The following ZDHHC3 variants were observed in gnomAD, a reference collection of about 807,000 sequenced individuals.
ZDHHC3 encodes the protein zDHHC palmitoyltransferase 3.
A neutral mutation model predicts 30.6 loss-of-function variants in ZDHHC3; 9 were observed. That is an observed-to-expected ratio of 0.29 (90% confidence interval 0.18 to 0.51). The LOEUF (loss-of-function observed/expected upper bound fraction) is 0.51, where lower values mean the gene tolerates loss of function less well. ZDHHC3 is among the 20% of genes least tolerant of loss of function. ZDHHC3 has a pLI of 0.97. For synonymous variants in ZDHHC3, 136 were observed against 140.2 expected, an observed-to-expected ratio of 0.97 and a Z score of 0.21; for missense variants, 246 against 384.2, an observed-to-expected ratio of 0.64 and a Z score of 3.01.
intron 3 of ZDHHC3, among the ~76,000 whole-genome samples, chr3:44,937,201 C>G (rs987484453): frequency 9.2e-5 from 14 of 152,040 alleles, no homozygotes; most frequent in Non-Finnish European, 1.5e-5. Flanking sequence ...TCCCAGCACT[C>G]TGGGAGGCCG....
intron 1 of ZDHHC3, among the ~76,000 whole-genome samples, chr3:44,971,268 C>G (rs1705378604): frequency 6.6e-6 from 1 of 152,184 alleles, no homozygotes; most frequent in Non-Finnish European, 1.5e-5. Flanking sequence ...GTTCAAGTGC[C>G]AAGTCAATAC....
chr3:44,956,740 C>T (rs1410682219), intron 2 of ZDHHC3, among the ~76,000 whole-genome samples: 1 of 152,150 alleles, frequency 6.6e-6, no homozygotes, highest in Non-Finnish European at 1.5e-5. Flanking sequence ...CCATGTCTTG[C>T]CCGGACCACT....
chr3:44,950,658 G>C (rs1198536132), intron 2 of ZDHHC3, among the ~76,000 whole-genome samples: 4 of 152,206 alleles, frequency 2.6e-5, no homozygotes, highest in African/African-American at 9.7e-5. Context: ...CCAAGACTGA[G>C]GAGTCTGATG....
intron 2 of ZDHHC3, among the ~76,000 whole-genome samples, chr3:44,956,453 A>C (rs1703964714): frequency 6.6e-6 from 1 of 152,146 alleles, no homozygotes; most frequent in African/African-American, 2.4e-5. Flanking sequence ...TATACTCTCC[A>C]ATCTCTCTCC....
chr3:44,973,945 C>T (rs1010191112), intron 1 of ZDHHC3, among the ~76,000 whole-genome samples: 1 of 152,174 alleles, frequency 6.6e-6, no homozygotes, highest in Non-Finnish European at 1.5e-5. Flanking sequence ...TAATACTGTG[C>T]CATCCTTGAC....
At position 44,970,220 on chromosome 3, in the gene ZDHHC3, G is replaced by A. The variant is rs186938150; in HGVS notation, c.-25+5713C>T. Among the ~76,000 whole-genome samples the A allele has an allele frequency of 3.2e-4, 49 of 152,330 alleles. 1 individual carries two copies. The highest frequency in any genetic ancestry group is 1.1e-3 in the African/African-American group (44 of 41,574). ...AGGCACTGTAAGTGGCAGTGCAAGA[G>A]CAGAGCCCTGGGAGGAACCTGGGAC... On this transcript the variant is annotated intron_variant, in intron 1 of 6. Transcript: ENST00000424952.
chr3:44,958,542 C>G, intron 2 of ZDHHC3: 1 of 1,505,980 alleles, frequency 6.6e-7, no homozygotes, highest in Non-Finnish European at 8.9e-7. Context: ...GCATATTTAG[C>G]TAAGTCATTG....
At chr3:44,962,499 GGAAGGAA>G (rs2125916416) in intron 1 of ZDHHC3, among the ~76,000 whole-genome samples, 1 of 98,262 alleles carries the variant, frequency 1.0e-5, no homozygotes, top group Admixed American at 1.0e-4. Flanking sequence ...GGAGAGAGAA[GGAAGGAA>G]GGAAGGAAGG....
rs553204934 is a variant in ZDHHC3 at position 44,974,816 on chromosome 3, T to C, written c.-25+1117A>G. ...TAAGAATGTGAGCAAGCACTTCCTC[T>C]CTATAACCTTATCAGACGACCTCCC... On this transcript the variant is annotated intron_variant, in intron 1 of 6. Coordinates refer to ENST00000424952, the MANE Select transcript of ZDHHC3 (RefSeq NM_001135179.2). Among the ~76,000 whole-genome samples the C allele has an allele frequency of 5.3e-5, 8 of 152,318 alleles. No individual in the cohort carries two copies. In the East Asian group the frequency reaches 1.5e-3, roughly 29 times the overall value.
Position 44,920,287 on chromosome 3 carries a change from A to G in ZDHHC3, c.*6402T>C. 7.8e-7 allele frequency: 1 copy of G among 1,289,852 alleles called. No homozygotes were observed. The highest frequency in any genetic ancestry group is 1.0e-6 in the Non-Finnish European group (1 of 988,888). 79.9% of individuals were successfully genotyped at this position (1,289,852 alleles called of 1,614,324 possible). A position where few individuals can be genotyped will look rare whatever the true frequency, so the allele number is the denominator to read the frequency against. On this transcript the variant is annotated 3_prime_UTR_variant, in exon 7 of 7. Transcript: ENST00000424952. ...GGCACAGAAGCAGTGACCAGCTGAGATGGTTTGCTTTGGGCATTCTGCATT... is the reference window on the plus strand; with the variant it reads ...GGCACAGAAGCAGTGACCAGCTGAGGTGGTTTGCTTTGGGCATTCTGCATT...
Position 44,922,452 on chromosome 3 carries a change from C to T in ZDHHC3, c.*4237G>A. 1.0e-6 allele frequency: 1 copy of T among 985,466 alleles called. No individual in the cohort carries two copies. The highest frequency in any genetic ancestry group is 1.2e-6 in the Non-Finnish European group (1 of 829,948). 61.0% of individuals were successfully genotyped at this position (985,466 alleles called of 1,614,324 possible). A position where few individuals can be genotyped will look rare whatever the true frequency, so the allele number is the denominator to read the frequency against. On this transcript the variant is annotated 3_prime_UTR_variant, in exon 7 of 7. Transcript: ENST00000424952. The stretch of plus-strand genomic sequence containing the variant: ...GCAGGCTAATAATTTGGATCTGCTT[C>T]ATACAGACTTTCTTTGATGTCTTGG...
Position 44,922,338 on chromosome 3 carries a change from T to C in ZDHHC3, c.*4351A>G, listed in dbSNP as rs1700651426. ...TCTGGAGGTCCCTTGGTTCTACTCT[T>C]TTCTCTTTCCCTTCCGGGCTGCTTC... On this transcript the variant is annotated 3_prime_UTR_variant, in exon 7 of 7. Coordinates refer to ENST00000424952, the MANE Select transcript of ZDHHC3 (RefSeq NM_001135179.2). 1.0e-6 allele frequency: 1 copy of C among 985,412 alleles called. No homozygotes were observed. Among genetic ancestry groups the C allele is most frequent in the Admixed American group, 6.1e-5 (1 of 16,288 alleles). The allele number at this position is 985,412 out of a possible 1,614,324, so 61.0% of individuals were successfully genotyped here.
Position 44,922,651 on chromosome 3 carries a change from C to G in ZDHHC3, c.*4038G>C. ...GCATCAGGGACCACCTGAGGGGGGA[C>G]TCCTGCTAGCCCCAACTGGATTCTC... On this transcript the variant is annotated 3_prime_UTR_variant, in exon 7 of 7. Coordinates refer to ENST00000424952, the MANE Select transcript of ZDHHC3 (RefSeq NM_001135179.2). 1 of 985,332 alleles carries G rather than the reference C, an allele frequency of 1.0e-6. No homozygotes were observed. The highest frequency in any genetic ancestry group is 1.2e-6 in the Non-Finnish European group (1 of 829,922). 61.0% of individuals were successfully genotyped at this position (985,332 alleles called of 1,614,324 possible).
chr3:44,969,303 C>T (rs1705214454), intron 1 of ZDHHC3, among the ~76,000 whole-genome samples: 1 of 151,980 alleles, frequency 6.6e-6, no homozygotes, highest in African/African-American at 2.4e-5. Flanking sequence ...AAGGTGTCAC[C>T]ACTGCCTCCA....
intron 6 of ZDHHC3, 34 bp from the exon 7 acceptor site, chr3:44,926,881 C>CACTT (rs1381306063): frequency 3.8e-6 from 6 of 1,572,482 alleles, no homozygotes; most frequent in Non-Finnish European, 5.2e-6. Context: ...TTCAGTCAAG[C>CACTT]ACTGCATTGC....
chr3:44,971,720 T>G (rs924420060), intron 1 of ZDHHC3, among the ~76,000 whole-genome samples: 6 of 152,200 alleles, frequency 3.9e-5, no homozygotes, highest in Admixed American at 3.3e-4. Context: ...GAAACACACA[T>G]GAAGACTGTA....
chr3:44,954,112 C>G (rs1278777286), intron 2 of ZDHHC3, among the ~76,000 whole-genome samples: 1 of 151,812 alleles, frequency 6.6e-6, no homozygotes, highest in Non-Finnish European at 1.5e-5. Context: ...TGACTTTTGG[C>G]AGCTGAAATG....
intron 6 of ZDHHC3, among the ~76,000 whole-genome samples, chr3:44,928,744 A>G (rs1701221877): frequency 6.6e-6 from 1 of 152,078 alleles, no homozygotes. Flanking sequence ...ATGGGAGGTG[A>G]TGGTAGGGGT....
chr3:44,928,889 G>C (rs552768500), intron 6 of ZDHHC3, among the ~76,000 whole-genome samples: 1 of 152,304 alleles, frequency 6.6e-6, no homozygotes, highest in African/African-American at 2.4e-5. Flanking sequence ...GGCATGGCTG[G>C]CAAGCTGACC....
Sources: allele counts gnomAD v4.1 joint callset (sites outside exome capture counted in the v4.1 genomes callset), GRCh38; gene constraint gnomAD v4.1.1; transcripts MANE v1.5; gene names NCBI Gene and HGNC (gene_info 2026-07-23, HGNC 2026-07-21).